TMEM132C: variants seen among roughly 807,000 people sequenced by gnomAD.
TMEM132C encodes the protein protein phosphatase 1, regulatory subunit 152.
TMEM132C carries 29 observed loss-of-function variants against 61.4 expected under a neutral mutation model. That is an observed-to-expected ratio of 0.47 (90% confidence interval 0.35 to 0.64). The LOEUF (loss-of-function observed/expected upper bound fraction) is 0.64. Ranked by LOEUF, TMEM132C falls within the 30% of genes least tolerant of loss-of-function variation. TMEM132C has a pLI of 0.00. For missense variants in TMEM132C, 1,408 were observed against 1,476.9 expected, an observed-to-expected ratio of 0.95 and a Z score of 0.76; for synonymous variants, 656 against 633.1, an observed-to-expected ratio of 1.04 and a Z score of -0.54.
At chr12:128,558,877 T>G (rs1874415607) in intron 3 of TMEM132C, among the ~76,000 whole-genome samples, 1 of 152,244 alleles carries the variant, frequency 6.6e-6, no homozygotes, top group South Asian at 2.1e-4. Flanking sequence ...GTCACTTTCC[T>G]AAGGTATATT....
chr12:128,627,565 C>A (rs1171630775), intron 4 of TMEM132C, among the ~76,000 whole-genome samples: 1 of 152,174 alleles, frequency 6.6e-6, no homozygotes, highest in African/African-American at 2.4e-5. Flanking sequence ...GTGAGTGCCA[C>A]TCTAGGGAAA....
chr12:128,528,857 C>A (rs1873183938), intron 2 of TMEM132C, among the ~76,000 whole-genome samples: 1 of 152,168 alleles, frequency 6.6e-6, no homozygotes, highest in Admixed American at 6.5e-5. Flanking sequence ...TCTCCATGAA[C>A]ATACCCCTGA....
chr12:128,705,950 C>T lies in TMEM132C; in HGVS notation c.2982C>T (p.His994=). ...MGDAPPPQDE[H]TTIIDRGPGA... ...ATGCGCCGCCGCCCCAGGACGAGCA[C>T]ACCACCATCATAGACCGCGGACCGG... The change falls in exon 9 of 9, where the codon CAC becomes CAT. Residue 994 remains histidine, a synonymous_variant. Coordinates refer to ENST00000435159, the MANE Select transcript of TMEM132C (RefSeq NM_001136103.3). The T allele has an allele frequency of 6.4e-7, 1 of 1,551,548 alleles. No individual in the cohort carries two copies. Among genetic ancestry groups the T allele is most frequent in the Non-Finnish European group, 8.7e-7 (1 of 1,146,956 alleles).
At chr12:128,321,331 CTTGG>C (rs1872327541) in intron 1 of TMEM132C, among the ~76,000 whole-genome samples, 1 of 152,086 alleles carries the variant, frequency 6.6e-6, no homozygotes, top group African/African-American at 2.4e-5. Flanking sequence ...CTCACAGCAA[CTTGG>C]AGGAACCTCC....
chr12:128,352,288 C>T (rs1354961325), intron 1 of TMEM132C, among the ~76,000 whole-genome samples: 5 of 152,178 alleles, frequency 3.3e-5, no homozygotes, highest in East Asian at 1.9e-4. Context: ...CTTCACATGG[C>T]GGCAGGAAGG....
chr12:128,303,774 C>G (rs1292841307), intron 1 of TMEM132C, among the ~76,000 whole-genome samples: 2 of 152,088 alleles, frequency 1.3e-5, no homozygotes, highest in African/African-American at 4.8e-5. Flanking sequence ...AGCAGGCCTT[C>G]TGATTGTGTT....
intron 1 of TMEM132C, among the ~76,000 whole-genome samples, chr12:128,328,017 C>A (rs1340500558): frequency 6.6e-6 from 1 of 152,040 alleles, no homozygotes; most frequent in African/African-American, 2.4e-5. Flanking sequence ...GCTTGACCCC[C>A]CACTTCCCGT....
intron 4 of TMEM132C, among the ~76,000 whole-genome samples, chr12:128,648,925 T>C (rs1954239419): frequency 6.7e-6 from 1 of 150,176 alleles, no homozygotes; most frequent in Non-Finnish European, 1.5e-5. Context: ...TCCATCAGCA[T>C]TGGATGAGTG....
chr12:128,582,652 T>G (rs1033531618), intron 3 of TMEM132C, among the ~76,000 whole-genome samples: 2 of 152,164 alleles, frequency 1.3e-5, no homozygotes, highest in Non-Finnish European at 2.9e-5. Flanking sequence ...CTGTTGCATC[T>G]TCCTCATTTT....
intron 3 of TMEM132C, among the ~76,000 whole-genome samples, chr12:128,557,865 T>G (rs1874380678): frequency 6.6e-6 from 1 of 152,230 alleles, no homozygotes; most frequent in South Asian, 2.1e-4. Context: ...AGAGGTCAAG[T>G]GTTTGCTGAC....
chr12:128,442,299 T>C (rs1474373906), intron 2 of TMEM132C, among the ~76,000 whole-genome samples: 1 of 152,210 alleles, frequency 6.6e-6, no homozygotes, highest in East Asian at 1.9e-4. Flanking sequence ...TAGAGTTGAA[T>C]GAGACAGATC....
intron 1 of TMEM132C, among the ~76,000 whole-genome samples, chr12:128,281,194 T>C (rs1161883381): frequency 6.6e-6 from 1 of 152,218 alleles, no homozygotes; most frequent in East Asian, 1.9e-4. Context: ...GCAAACATCA[T>C]GTATCACTCA....
chr12:128,480,513 G>C (rs1871285285), intron 2 of TMEM132C, among the ~76,000 whole-genome samples: 1 of 152,202 alleles, frequency 6.6e-6, no homozygotes, highest in South Asian at 2.1e-4. Flanking sequence ...GGCGAAGCCA[G>C]CCCATGCGGG....
intron 2 of TMEM132C, among the ~76,000 whole-genome samples, chr12:128,442,763 C>T (rs543777113): frequency 1.3e-5 from 2 of 152,086 alleles, no homozygotes; most frequent in South Asian, 2.1e-4. Context: ...TTAAAGTGAC[C>T]GCTTCAGTGG....
intron 3 of TMEM132C, among the ~76,000 whole-genome samples, chr12:128,547,677 G>A (rs1393933941): frequency 3.3e-5 from 5 of 151,988 alleles, no homozygotes; most frequent in Non-Finnish European, 5.9e-5. Context: ...CCACATCCCC[G>A]TGTTGGCCAC....
intron 3 of TMEM132C, among the ~76,000 whole-genome samples, chr12:128,596,188 C>A (rs1043689011): frequency 7.3e-6 from 1 of 137,862 alleles, no homozygotes; most frequent in Non-Finnish European, 1.5e-5. Context: ...CCCGTGTTCT[C>A]TCCATCACAC....
chr12:128,413,389 G>A (rs12303786), intron 1 of TMEM132C, among the ~76,000 whole-genome samples: 1 of 149,878 alleles, frequency 6.7e-6, no homozygotes, highest in Non-Finnish European at 1.5e-5. Flanking sequence ...CTTCAGAGTA[G>A]ATTCCTAGAA....
chr12:128,590,809 G>A (rs1270252315), intron 3 of TMEM132C, among the ~76,000 whole-genome samples: 2 of 152,088 alleles, frequency 1.3e-5, no homozygotes, highest in Non-Finnish European at 1.5e-5. Context: ...ACAGGGCCTC[G>A]CTCTGTCACC....
At chr12:128,435,977 G>T (rs1229179981) in intron 2 of TMEM132C, among the ~76,000 whole-genome samples, 5 of 152,088 alleles carry the variant, frequency 3.3e-5, no homozygotes, top group Admixed American at 6.6e-5. Context: ...CAGAACAGAG[G>T]CCTCAGAAAT....
Sources: gnomAD v4.1 joint callset for allele counts (sites outside exome capture counted in the v4.1 genomes callset) on GRCh38, gnomAD v4.1.1 for gene constraint, MANE v1.5 for transcripts, NCBI Gene and HGNC (gene_info 2026-07-23, HGNC 2026-07-21) for gene names.